The following DLGAP1 variants were observed in gnomAD, a reference collection of about 807,000 sequenced individuals.
DLGAP1 encodes DLG associated protein 1, also known as disks large-associated protein 1.
A neutral mutation model predicts 90.8 loss-of-function variants in DLGAP1; 11 were observed. The observed-to-expected ratio is 0.12, with a 90% CI of 0.08 to 0.20. The LOEUF is 0.20. Among genes scored for constraint, DLGAP1 ranks in the 10% least tolerant of loss-of-function variants. The probability of loss-of-function intolerance (pLI) is 1.00; values close to 1 mark genes in which losing one functional copy is unlikely to be tolerated. For missense variants in DLGAP1, 1,050 were observed against 1,333.8 expected (o/e 0.79, Z 3.31); for synonymous variants, 558 against 540.7 (o/e 1.03, Z -0.44).
At chr18:3,623,493 A>T (rs1041152962) in intron 7 of DLGAP1, among the ~76,000 whole-genome samples, 2 of 152,164 alleles carry the variant, frequency 1.3e-5, no homozygotes, top group African/African-American at 2.4e-5. Flanking sequence ...AGGCCGTGTG[A>T]AAAGGAAAAG....
intron 2 of DLGAP1, among the ~76,000 whole-genome samples, chr18:4,081,264 G>C (rs1359451415): frequency 6.6e-6 from 1 of 150,642 alleles, no homozygotes; most frequent in Middle Eastern, 3.4e-3. Flanking sequence ...GTGGTGAGCC[G>C]AGATTGTGCC....
intron 3 of DLGAP1, among the ~76,000 whole-genome samples, chr18:3,884,566 A>T (rs2071259399): frequency 6.6e-6 from 1 of 152,228 alleles, no homozygotes; most frequent in Non-Finnish European, 1.5e-5. Flanking sequence ...TGTGAGCAAC[A>T]TTCCATGCAA....
At chr18:3,719,060 A>G in intron 7 of DLGAP1, among the ~76,000 whole-genome samples, 1 of 152,218 alleles carries the variant, frequency 6.6e-6, no homozygotes, top group East Asian at 1.9e-4. Flanking sequence ...TTGAAGCAGA[A>G]AGTATAACAT....
rs555658447 is a variant in DLGAP1, at chr18:4,383,844, G to A, written c.-267+71162C>T. On this transcript the variant is annotated intron_variant, in intron 1 of 12. Coordinates refer to ENST00000315677, the MANE Select transcript of DLGAP1 (RefSeq NM_004746.4). This position sits in a 1 kb window ranked among gnomAD's most constrained non-coding sequence, Gnocchi z 4.0. The stretch of plus-strand genomic sequence containing the variant: ...ATCTAATCCACAAGTTTGAGGATGA[G>A]ATTAAGTGCAACCATTTCAATGGCT... 1.3e-5 allele frequency among the ~76,000 whole-genome samples: 2 copies of A among 152,220 alleles called. No individual in the cohort carries two copies. Among genetic ancestry groups the A allele is most frequent in the South Asian group, 4.1e-4 (2 of 4,830 alleles).
At chr18:4,204,103 T>C (rs1393100132) in intron 1 of DLGAP1, among the ~76,000 whole-genome samples, 1 of 152,244 alleles carries the variant, frequency 6.6e-6, no homozygotes, top group Non-Finnish European at 1.5e-5. Flanking sequence ...AGAAACCCAG[T>C]CATTATGCAT....
chr18:4,186,917 T>G (rs1382455861), intron 1 of DLGAP1, among the ~76,000 whole-genome samples: 2 of 152,194 alleles, frequency 1.3e-5, no homozygotes, highest in Non-Finnish European at 2.9e-5. Flanking sequence ...TTTTTCCATT[T>G]GTTTGTGTCT....
intron 3 of DLGAP1, among the ~76,000 whole-genome samples, chr18:3,911,957 G>A (rs2072044539): frequency 6.6e-6 from 1 of 152,204 alleles, no homozygotes; most frequent in African/African-American, 2.4e-5. Flanking sequence ...AGCATCACTT[G>A]GGAGCTTGTT....
rs541304682 is a variant in DLGAP1, at chr18:3,545,654, C to T, written c.2058-11039G>A. On this transcript the variant is annotated intron_variant, in intron 9 of 12. Coordinates refer to ENST00000315677, the MANE Select transcript of DLGAP1 (RefSeq NM_004746.4). Reference sequence around the variant, plus strand: ...GGCAGATCACTTGAGGCCAGGAGTTCGAGACCAGCCTGGCCAACATGGTGA... The same window carrying T: ...GGCAGATCACTTGAGGCCAGGAGTTTGAGACCAGCCTGGCCAACATGGTGA... Among the ~76,000 whole-genome samples, 8 of 152,048 alleles carry T rather than the reference C, an allele frequency of 5.3e-5. No individual in the cohort carries two copies. In the South Asian group the frequency reaches 8.3e-4, roughly 16 times the overall value.
chr18:3,868,047 T>C (rs2070513836), intron 4 of DLGAP1, among the ~76,000 whole-genome samples: 1 of 152,210 alleles, frequency 6.6e-6, no homozygotes, highest in South Asian at 2.1e-4. Flanking sequence ...TGGATTCGTT[T>C]CACCTCCTTT....
At chr18:3,860,085 C>T (rs368751875) in intron 4 of DLGAP1, among the ~76,000 whole-genome samples, 25 of 97,684 alleles carry the variant, frequency 2.6e-4, no homozygotes, top group Admixed American at 9.4e-4. Flanking sequence ...GGCGACAGAG[C>T]GAGACTCTGT....
At chr18:4,295,453 G>A (rs1183103387) in intron 1 of DLGAP1, 1 of 152,084 alleles carries the variant, frequency 6.6e-6, no homozygotes, top group Non-Finnish European at 1.5e-5. Context: ...TTCCACCAGG[G>A]CACAATGTCT....
At chr18:4,412,514 A>G (rs137945164) in intron 1 of DLGAP1, among the ~76,000 whole-genome samples, 35 of 152,310 alleles carry the variant, frequency 2.3e-4, no homozygotes, top group African/African-American at 5.8e-4. Context: ...ACACTGAAGG[A>G]GCTGTGGCAC....
At chr18:4,077,305 T>A (rs2075538229) in intron 2 of DLGAP1, among the ~76,000 whole-genome samples, 1 of 152,192 alleles carries the variant, frequency 6.6e-6, no homozygotes. Context: ...CATGTTTAAC[T>A]TCCTAAATCT....
At chr18:3,707,508 GA>G (rs1472150871) in intron 7 of DLGAP1, among the ~76,000 whole-genome samples, 2 of 152,012 alleles carry the variant, frequency 1.3e-5, no homozygotes, top group East Asian at 3.9e-4. Flanking sequence ...GCTGAGACAG[GA>G]GAATTGCTTG....
chr18:4,236,580 T>G (rs1305981397), intron 1 of DLGAP1, among the ~76,000 whole-genome samples: 1 of 152,214 alleles, frequency 6.6e-6, no homozygotes, highest in African/African-American at 2.4e-5. Context: ...AGCTGCACTT[T>G]ATAGCTTAGA....
intron 4 of DLGAP1, among the ~76,000 whole-genome samples, chr18:3,844,461 C>CA (rs1415476587): frequency 1.3e-5 from 2 of 152,160 alleles, no homozygotes; most frequent in Admixed American, 6.5e-5. Context: ...AGCTATATCA[C>CA]AAAAAAGTGA....
intron 1 of DLGAP1, among the ~76,000 whole-genome samples, chr18:4,384,470 T>G (rs1347476704): frequency 6.6e-6 from 1 of 152,176 alleles, no homozygotes; most frequent in Non-Finnish European, 1.5e-5. Flanking sequence ...TAGTTCATTT[T>G]CATACACCAT....
intron 5 of DLGAP1, among the ~76,000 whole-genome samples, chr18:3,813,443 C>T (rs1023067772): frequency 3.9e-5 from 6 of 152,132 alleles, no homozygotes; most frequent in African/African-American, 1.4e-4. Flanking sequence ...CTTAATGATG[C>T]ATTTCTCAGA....
rs4798150 is a variant in DLGAP1, at chr18:3,936,472, G to T, written c.-72-56332C>A. On this transcript the variant is annotated intron_variant, in intron 3 of 12. Transcript: ENST00000315677. Reference sequence around the variant, plus strand: ...TCCTAATAGGGGCAGCATTTGAAAAGGATGGCTTCCCCCTTGTTCCAGAAT... The same window carrying T: ...TCCTAATAGGGGCAGCATTTGAAAATGATGGCTTCCCCCTTGTTCCAGAAT... 6.6e-5 allele frequency among the ~76,000 whole-genome samples: 10 copies of T among 152,100 alleles called. No homozygotes were observed. The Middle Eastern group carries it at 0.01, about 155-fold the overall frequency.
Sources: allele counts gnomAD v4.1 joint callset (sites outside exome capture counted in the v4.1 genomes callset), GRCh38; gene constraint gnomAD v4.1.1; non-coding constraint Gnocchi (gnomAD v3.1); transcripts MANE v1.5; gene names NCBI Gene and HGNC (gene_info 2026-07-23, HGNC 2026-07-21).